SPHK1: variants seen among roughly 807,000 people sequenced by gnomAD.
SPHK1 encodes the protein sphingosine kinase 1, also known as SK 1.
A neutral mutation model predicts 14.6 loss-of-function variants in SPHK1; 10 were observed. The ratio of observed to expected loss-of-function variants is 0.68; its 90% confidence interval spans 0.42 to 1.16. SPHK1 has a LOEUF of 1.16. Among genes scored for constraint, SPHK1 ranks in the 50% most tolerant of loss-of-function variants. SPHK1 has a pLI of 0.00. For synonymous variants in SPHK1, 274 were observed against 224.0 expected (o/e 1.22, Z -1.99); for missense variants, 553 against 525.4 (o/e 1.05, Z -0.51).
chr17:76,386,352 G>C lies in SPHK1; in HGVS notation c.258+37G>C, dbSNP rs866966949. The stretch of plus-strand genomic sequence containing the variant: ...ACTGCGCGGCTAGGCCTGGGGCTTG[G>C]CGCGGTGCGTCCCAGGCTGAGGCCA... On this transcript the variant is annotated intron_variant, in intron 4 of 5. Coordinates refer to ENST00000592299, the MANE Select transcript of SPHK1 (RefSeq NM_001142601.2). This position sits in a 1 kb window ranked among gnomAD's most constrained non-coding sequence, Gnocchi z 5.3. The C allele has an allele frequency of 1.2e-6, 2 of 1,605,364 alleles. No individual in the cohort carries two copies. Among genetic ancestry groups the C allele is most frequent in the East Asian group, 4.5e-5 (2 of 44,658 alleles).
Position 76,387,526 on chromosome 17 carries a change from C to A in SPHK1, c.1095C>A (p.Cys365Ter), listed in dbSNP as rs754010804. 1 of 1,610,626 alleles carries A rather than the reference C, an allele frequency of 6.2e-7. No individual in the cohort carries two copies. The highest frequency in any genetic ancestry group is 2.2e-5 in the East Asian group (1 of 44,820). The change falls in exon 6 of 6, where the codon TGC becomes TGA. Residue 365 changes from cysteine (C) to a stop codon, truncating the protein, a stop_gained. Coordinates refer to ENST00000592299, the MANE Select transcript of SPHK1 (RefSeq NM_001142601.2). LOFTEE classifies it low-confidence loss of function (END_TRUNC). This position sits in a 1 kb window ranked among gnomAD's most constrained non-coding sequence, Gnocchi z 4.1. ...HPNYFWMVSG[C>*]VEPPPSWKPQ... ...ACTACTTCTGGATGGTCAGCGGTTG[C>A]GTGGAGCCCCCGCCCAGCTGGAAGC... is the stretch of plus-strand genomic sequence containing the variant.
chr17:76,383,987 C>T, upstream of SPHK1: 1 of 743,770 alleles, frequency 1.3e-6, no homozygotes, highest in Non-Finnish European at 1.8e-6. Flanking sequence ...GGTAGCCCAG[C>T]TGCAGCGTCG....
At position 76,385,193 on chromosome 17, in the gene SPHK1, G is replaced by A. The variant is rs771207527; in HGVS notation, c.-194-258G>A. ...GGGTGAGGAGCTAGTCCGTCGGAGG[G>A]AGCCACGGGGCTCTGACTCATCCGT... is the stretch of plus-strand genomic sequence containing the variant. On this transcript the variant is annotated intron_variant, in intron 1 of 5. Transcript: ENST00000592299. This position sits in a 1 kb window ranked among gnomAD's most constrained non-coding sequence, Gnocchi z 5.3. The A allele has an allele frequency of 5.7e-6, 9 of 1,569,444 alleles. No homozygotes were observed. The highest frequency in any genetic ancestry group is 7.8e-6 in the Non-Finnish European group (9 of 1,158,458).
chr17:76,386,015 C>T lies in SPHK1; in HGVS notation c.41C>T (p.Pro14Leu). 3 of 1,604,990 alleles carry T rather than the reference C, an allele frequency of 1.9e-6. No homozygotes were observed. The highest frequency in any genetic ancestry group is 2.6e-6 in the Non-Finnish European group (3 of 1,175,144). ...AGGPRGVLPRPCRVLVLLNPR... is the reference protein window; with the variant it reads ...AGGPRGVLPRLCRVLVLLNPR... ...GGCCCCCGGGGCGTGCTCCCGCGGC[C>T]CTGCCGCGTGCTGGTGCTGCTGAAC... Residue 14 changes from proline to leucine, a missense_variant, in exon 3 of 6, where the codon CCC becomes CTC. Transcript: ENST00000592299. This position sits in a 1 kb window ranked among gnomAD's most constrained non-coding sequence, Gnocchi z 5.3.
rs756573699 is a variant in SPHK1, at chr17:76,387,004, C to T, written c.573C>T (p.Arg191=). Residue 191 remains arginine (R), a synonymous_variant, in exon 6 of 6, where the codon CGC becomes CGT. Coordinates refer to ENST00000592299, the MANE Select transcript of SPHK1 (RefSeq NM_001142601.2). The surrounding 1 kb of genome is among the most constrained non-coding windows in gnomAD (Gnocchi z 4.1). The part of the protein sequence containing the change: ...SEKYRRLGEM[R]FTLGTFLRLA... Reference sequence around the variant, plus strand: ...AGTATCGGCGTCTGGGGGAGATGCGCTTCACTCTGGGCACCTTCCTGCGTC... The same window carrying T: ...AGTATCGGCGTCTGGGGGAGATGCGTTTCACTCTGGGCACCTTCCTGCGTC... 24 of 1,613,546 alleles carry T rather than the reference C, an allele frequency of 1.5e-5. No individual in the cohort carries two copies. The highest frequency in any genetic ancestry group is 1.9e-5 in the Non-Finnish European group (22 of 1,179,988).
In SPHK1 at chr17:76,385,747, A is replaced by G. The variant is rs1449434829; in HGVS notation, c.10+93A>G. Reference sequence around the variant, plus strand: ...CCCAGCTGGACGAAAGGGGCTGTGGACGATCGGGAGAAACATTATCCCTCA... The same window carrying G: ...CCCAGCTGGACGAAAGGGGCTGTGGGCGATCGGGAGAAACATTATCCCTCA... On this transcript the variant is annotated intron_variant, in intron 2 of 5. Transcript: ENST00000592299. This position sits in a 1 kb window ranked among gnomAD's most constrained non-coding sequence, Gnocchi z 5.3. 2 of 1,436,498 alleles carry G rather than the reference A, an allele frequency of 1.4e-6. No individual in the cohort carries two copies. Among genetic ancestry groups the G allele is most frequent in the Non-Finnish European group, 1.9e-6 (2 of 1,059,124 alleles). 89.0% of individuals were successfully genotyped at this position (1,436,498 alleles called of 1,614,324 possible).
rs536625885 is a variant in SPHK1, at chr17:76,385,391, G to C, written c.-194-60G>C. On this transcript the variant is annotated intron_variant, in intron 1 of 5. Coordinates refer to ENST00000592299, the MANE Select transcript of SPHK1 (RefSeq NM_001142601.2). The surrounding 1 kb of genome is among the most constrained non-coding windows in gnomAD (Gnocchi z 5.3). ...GCGTGGTCCCGGGATTTAGTCGGGC[G>C]CTCCCCACCTCTGGCAGCTGCGGCC... is the stretch of plus-strand genomic sequence containing the variant. 716 of 1,458,058 alleles carry C rather than the reference G, an allele frequency of 4.9e-4. 8 individuals carry two copies. In the African/African-American group the frequency reaches 8.8e-3, roughly 18 times the overall value. 90.3% of individuals were successfully genotyped at this position (1,458,058 alleles called of 1,614,324 possible).
chr17:76,386,833 C>T lies in SPHK1; in HGVS notation c.402C>T (p.Leu134=), dbSNP rs752497156. The T allele has an allele frequency of 1.7e-5, 27 of 1,570,266 alleles. No homozygotes were observed. Among genetic ancestry groups the T allele is most frequent in the South Asian group, 1.4e-4 (12 of 84,414 alleles). ...AGYEQVTNED[L]LTNCTLLLCR... ...ATGAGCAGGTCACCAATGAAGACCT[C>T]CTGACCAACTGCACGCTATTGCTGT... The change falls in exon 6 of 6, where the codon CTC becomes CTT. Residue 134 remains leucine (L), a synonymous_variant. Transcript: ENST00000592299. The surrounding 1 kb of genome is among the most constrained non-coding windows in gnomAD (Gnocchi z 5.3).
chr17:76,386,245 T>A lies in SPHK1; in HGVS notation c.188T>A (p.Leu63Gln). ...LTERRNHARELVRSEELGRWD... is the reference protein window; with the variant it reads ...LTERRNHAREQVRSEELGRWD... ...GAGCGGCGGAACCACGCGCGGGAGCTGGTGCGGTCGGAGGAGCTGGGCCGC... is the reference window on the plus strand; with the variant it reads ...GAGCGGCGGAACCACGCGCGGGAGCAGGTGCGGTCGGAGGAGCTGGGCCGC... The change falls in exon 4 of 6, where the codon CTG becomes CAG. Residue 63 changes from leucine (L) to glutamine (Q), a missense_variant. Coordinates refer to ENST00000592299, the MANE Select transcript of SPHK1 (RefSeq NM_001142601.2). The surrounding 1 kb of genome is among the most constrained non-coding windows in gnomAD (Gnocchi z 5.3). 2.5e-6 allele frequency: 4 copies of A among 1,594,912 alleles called. No homozygotes were observed. Among genetic ancestry groups the A allele is most frequent in the Non-Finnish European group, 3.4e-6 (4 of 1,176,440 alleles).
At chr17:76,384,568 C>A (rs939202732), upstream of SPHK1, 4 of 151,606 alleles carry the variant, frequency 2.6e-5, no homozygotes, top group African/African-American at 7.3e-5. Context: ...CAGGTTCCAC[C>A]CCCGGGAGCG....
Position 76,387,728 on chromosome 17 carries a change from G to A in SPHK1, c.*142G>A, listed in dbSNP as rs2072021469. The A allele has an allele frequency of 1.4e-5, 14 of 1,013,338 alleles. No individual in the cohort carries two copies. In the South Asian group the frequency reaches 1.7e-4, roughly 12 times the overall value. The allele number at this position is 1,013,338 out of a possible 1,614,324, so 62.8% of individuals were successfully genotyped here. ...GAGAAGGTGGAGGCTATGCTTTGGG[G>A]GGACAGGCCAGAATGAAGTCCTGGG... On this transcript the variant is annotated 3_prime_UTR_variant, in exon 6 of 6. Coordinates refer to ENST00000592299, the MANE Select transcript of SPHK1 (RefSeq NM_001142601.2). The surrounding 1 kb of genome is among the most constrained non-coding windows in gnomAD (Gnocchi z 4.1).
chr17:76,384,364 C>T (rs977929554), upstream of SPHK1: 2 of 150,950 alleles, frequency 1.3e-5, no homozygotes, highest in Non-Finnish European at 3.0e-5. Context: ...GCCTCGCGGC[C>T]TGCCGCCTCA....
At position 76,385,785 on chromosome 17, in the gene SPHK1, C is replaced by T. The variant is rs1300313375; in HGVS notation, c.10+131C>T. The T allele has an allele frequency of 7.0e-7, 1 of 1,422,574 alleles. No individual in the cohort carries two copies. Among genetic ancestry groups the T allele is most frequent in the Non-Finnish European group, 9.6e-7 (1 of 1,044,294 alleles). The allele number at this position is 1,422,574 out of a possible 1,614,324, so 88.1% of individuals were successfully genotyped here. A position where few individuals can be genotyped will look rare whatever the true frequency, so the allele number is the denominator to read the frequency against. On this transcript the variant is annotated intron_variant, in intron 2 of 5. Coordinates refer to ENST00000592299, the MANE Select transcript of SPHK1 (RefSeq NM_001142601.2). The surrounding 1 kb of genome is among the most constrained non-coding windows in gnomAD (Gnocchi z 5.3). ...ACATTATCCCTCACGAGGCCAGAAG[C>T]CGGCCGAATCTGAGCCAAGGAAGGG...
chr17:76,386,481 T>C lies in SPHK1; in HGVS notation c.347T>C (p.Leu116Pro). ...CSLPAGSGNA[L>P]AASLNHYAGY... The stretch of plus-strand genomic sequence containing the variant: ...CTCCCAGCAGGCTCTGGCAACGCGC[T>C]GGCAGCTTCCTTGAACCATTATGCT... Residue 116 changes from leucine (L) to proline (P), a missense_variant, in exon 5 of 6, where the codon CTG becomes CCG. Coordinates refer to ENST00000592299, the MANE Select transcript of SPHK1 (RefSeq NM_001142601.2). The surrounding 1 kb of genome is among the most constrained non-coding windows in gnomAD (Gnocchi z 5.3). The C allele has an allele frequency of 6.2e-7, 1 of 1,612,812 alleles. No homozygotes were observed. The highest frequency in any genetic ancestry group is 1.1e-5 in the South Asian group (1 of 91,082).
rs948048957 is a variant in SPHK1, at chr17:76,384,613, C to G, written c.-388C>G. ...GCCAGGCCGGCGCCGAGGCTCAGTG[C>G]CCTCCCCGCTCCGCGGCGCCGGCTG... On this transcript the variant is annotated 5_prime_UTR_variant, in exon 1 of 6. Transcript: ENST00000592299. 2 of 152,064 alleles carry G rather than the reference C, an allele frequency of 1.3e-5. No homozygotes were observed. Among genetic ancestry groups the G allele is most frequent in the Non-Finnish European group, 2.9e-5 (2 of 68,046 alleles). The allele number at this position is 152,064 out of a possible 1,614,324, so 9.4% of individuals were successfully genotyped here.
chr17:76,386,485 A>G lies in SPHK1; in HGVS notation c.351A>G (p.Ala117=). Residue 117 remains alanine (A), a synonymous_variant, in exon 5 of 6, where the codon GCA becomes GCG. Transcript: ENST00000592299. The surrounding 1 kb of genome is among the most constrained non-coding windows in gnomAD (Gnocchi z 5.3). The stretch of plus-strand genomic sequence containing the variant: ...CAGCAGGCTCTGGCAACGCGCTGGC[A>G]GCTTCCTTGAACCATTATGCTGGGT... ...SLPAGSGNAL[A]ASLNHYAGYE... 6.2e-7 allele frequency: 1 copy of G among 1,612,690 alleles called. No homozygotes were observed. Among genetic ancestry groups the G allele is most frequent in the Non-Finnish European group, 8.5e-7 (1 of 1,179,920 alleles).
chr17:76,386,596 A>T lies in SPHK1; in HGVS notation c.374+88A>T. On this transcript the variant is annotated intron_variant, in intron 5 of 5. Transcript: ENST00000592299. The surrounding 1 kb of genome is among the most constrained non-coding windows in gnomAD (Gnocchi z 5.3). ...CTTGTCTAAGCTCCCATAGGCTGAG[A>T]TCATTTCCATTTCCCCTTCTCCCTT... 1 of 1,328,486 alleles carries T rather than the reference A, an allele frequency of 7.5e-7. No homozygotes were observed. Among genetic ancestry groups the T allele is most frequent in the Non-Finnish European group, 1.0e-6 (1 of 970,112 alleles). The allele number at this position is 1,328,486 out of a possible 1,614,324, so 82.3% of individuals were successfully genotyped here.
rs1028312806 is a variant in SPHK1, at chr17:76,386,411, G to A, written c.277G>A (p.Glu93Lys). The A allele has an allele frequency of 6.8e-6, 11 of 1,612,342 alleles. No individual in the cohort carries two copies. In the African/African-American group the frequency reaches 1.5e-4, roughly 22 times the overall value. ...TCAACAGGTGGTGAACGGGCTCATG[G>A]AGCGGCCTGACTGGGAGACCGCCAT... ...LMHEVVNGLM[E>K]RPDWETAIQK... Residue 93 changes from glutamate to lysine, a missense_variant, in exon 5 of 6, where the codon GAG becomes AAG. Physicochemically the swap from Glu to Lys is moderately conservative, Grantham distance 56. Transcript: ENST00000592299. This position sits in a 1 kb window ranked among gnomAD's most constrained non-coding sequence, Gnocchi z 5.3.
chr17:76,387,789 T>G lies in SPHK1; in HGVS notation c.*203T>G. On this transcript the variant is annotated 3_prime_UTR_variant, in exon 6 of 6. Coordinates refer to ENST00000592299, the MANE Select transcript of SPHK1 (RefSeq NM_001142601.2). The surrounding 1 kb of genome is among the most constrained non-coding windows in gnomAD (Gnocchi z 4.1). The stretch of plus-strand genomic sequence containing the variant: ...AGCTGGCTGGGCCCAGCTGCCTATG[T>G]AAGGCCTTCTAGTTTGTTCTGAGAC... The G allele has an allele frequency of 1.7e-6, 1 of 589,158 alleles. No individual in the cohort carries two copies. The highest frequency in any genetic ancestry group is 2.9e-5 in the East Asian group (1 of 34,858). 36.5% of individuals were successfully genotyped at this position (589,158 alleles called of 1,614,324 possible).
Sources: allele counts gnomAD v4.1 joint callset, GRCh38; gene constraint gnomAD v4.1.1; non-coding constraint Gnocchi (gnomAD v3.1); transcripts MANE v1.5; gene names NCBI Gene and HGNC (gene_info 2026-07-23, HGNC 2026-07-21).